The following TRIO variants were observed in gnomAD, a reference collection of about 807,000 sequenced individuals.
TRIO encodes the protein triple functional domain protein.
TRIO carries 58 observed loss-of-function variants against 351.9 expected under a neutral mutation model. The observed-to-expected ratio is 0.16, with a 90% CI of 0.13 to 0.21. TRIO has a LOEUF of 0.21. Among genes scored for constraint, TRIO ranks in the 10% least tolerant of loss-of-function variants. TRIO has a pLI of 1.00. For missense variants in TRIO, 3,201 were observed against 4,027.8 expected (o/e 0.79, Z 5.56); for synonymous variants, 1,758 against 1,595.7 (o/e 1.10, Z -2.42).
intron 21 of TRIO, among the ~76,000 whole-genome samples, chr5:14,382,726 A>G (rs1295857880): frequency 6.6e-6 from 1 of 152,196 alleles, no homozygotes; most frequent in African/African-American, 2.4e-5. Flanking sequence ...TGCACATTAT[A>G]TGATCCGTAT....
chr5:14,168,788 TCTC>T (rs1788929786), intron 1 of TRIO, among the ~76,000 whole-genome samples: 1 of 152,260 alleles, frequency 6.6e-6, no homozygotes, highest in South Asian at 2.1e-4. Flanking sequence ...GTGGCCATCT[TCTC>T]ATTTTAATTA....
intron 1 of TRIO, among the ~76,000 whole-genome samples, chr5:14,257,738 A>G (rs989178979): frequency 3.3e-5 from 5 of 152,164 alleles, no homozygotes; most frequent in African/African-American, 9.7e-5. Flanking sequence ...AAATATGTCT[A>G]TTTGTTAGTG....
At chr5:14,439,380 G>T (rs1229985215) in intron 34 of TRIO, among the ~76,000 whole-genome samples, 1 of 152,128 alleles carries the variant, frequency 6.6e-6, no homozygotes, top group Non-Finnish European at 1.5e-5. Context: ...CAAAATTATT[G>T]TACTCATTTT....
chr5:14,462,952 C>T, intron 36 of TRIO, 27 bp downstream of exon 36: 2 of 1,536,466 alleles, frequency 1.3e-6, no homozygotes, highest in Non-Finnish European at 1.7e-6. Flanking sequence ...GCTGGGGAAT[C>T]CATGCCTGCC....
At chr5:14,148,838 C>T (rs1411644004) in intron 1 of TRIO, among the ~76,000 whole-genome samples, 1 of 152,196 alleles carries the variant, frequency 6.6e-6, no homozygotes, top group Non-Finnish European at 1.5e-5. Context: ...TTTGAATCTT[C>T]TCAGCCTCAT....
chr5:14,487,529 G>A lies in TRIO; in HGVS notation c.6901G>A (p.Gly2301Ser). The stretch of plus-strand genomic sequence containing the variant: ...GGGCGGCGGCGGCGGCGGCAGCGGG[G>A]GCAGCGGCGGGGGTGGGGGCAGCGG... ...SGGGGGGGSGGSGGGGGSGGG... is the reference protein window; with the variant it reads ...SGGGGGGGSGSSGGGGGSGGG... The change falls in exon 48 of 57, where the codon GGC becomes AGC. Residue 2301 changes from glycine (G) to serine (S), a missense_variant. Transcript: ENST00000344204. 9.5e-7 allele frequency: 1 copy of A among 1,051,010 alleles called. No individual in the cohort carries two copies. Among genetic ancestry groups the A allele is most frequent in the Non-Finnish European group, 1.2e-6 (1 of 863,248 alleles). 65.1% of individuals were successfully genotyped at this position (1,051,010 alleles called of 1,614,324 possible).
chr5:14,269,688 T>C (rs1482443232), intron 1 of TRIO, among the ~76,000 whole-genome samples: 1 of 147,452 alleles, frequency 6.8e-6, no homozygotes, highest in Non-Finnish European at 1.5e-5. Context: ...AAATGTTCCC[T>C]GTAGCAGGGC....
intron 37 of TRIO, among the ~76,000 whole-genome samples, chr5:14,469,160 C>G (rs915482933): frequency 2.0e-5 from 3 of 151,800 alleles, no homozygotes; most frequent in Admixed American, 1.3e-4. Context: ...ACAAAATAAA[C>G]CAAAGAAAAG....
rs537453243 is a variant in TRIO at position 14,456,826 on chromosome 5, G to A, written c.5204-4193G>A. On this transcript the variant is annotated intron_variant, in intron 34 of 56. Transcript: ENST00000344204. ...TCGCATCAAAGTAGCTGATTTAGTG[G>A]GCAAAGTCTATATTTTTCAGATAGC... is the stretch of plus-strand genomic sequence containing the variant. 1.6e-4 allele frequency among the ~76,000 whole-genome samples: 25 copies of A among 152,242 alleles called. 1 individual carries two copies. Among genetic ancestry groups the A allele is most frequent in the Admixed American group, 3.3e-4 (5 of 15,294 alleles).
intron 1 of TRIO, among the ~76,000 whole-genome samples, chr5:14,153,703 G>GC (rs969187229): frequency 3.3e-5 from 5 of 152,128 alleles, no homozygotes; most frequent in African/African-American, 1.2e-4. Context: ...GTTTGTGAGG[G>GC]CCTGAATTGG....
At position 14,487,983 on chromosome 5, in the gene TRIO, G is replaced by C. The variant is rs749958296; in HGVS notation, c.7355G>C (p.Gly2452Ala). 3.4e-5 allele frequency: 53 copies of C among 1,557,536 alleles called. No homozygotes were observed. Among genetic ancestry groups the C allele is most frequent in the Non-Finnish European group, 4.3e-5 (49 of 1,152,012 alleles). The change falls in exon 48 of 57, where the codon GGG becomes GCG. Residue 2452 changes from glycine to alanine, a missense_variant. Gly to Ala is a moderately conservative substitution (Grantham distance 60, BLOSUM62 0). Coordinates refer to ENST00000344204, the MANE Select transcript of TRIO (RefSeq NM_007118.4). The stretch of plus-strand genomic sequence containing the variant: ...CTGCCGCTTGGGAAGCCCCGGGCCG[G>C]GGCCGCTTCGCCGCTGAACTCGCCG... ...GTLPLGKPRA[G>A]AASPLNSPLS... is the part of the protein sequence containing the mutation.
chr5:14,385,059 C>T (rs1270150386), intron 21 of TRIO, among the ~76,000 whole-genome samples: 1 of 152,206 alleles, frequency 6.6e-6, no homozygotes, highest in Non-Finnish European at 1.5e-5. Flanking sequence ...GTTCATTTCA[C>T]CCAGTGGATT....
At chr5:14,434,075 A>G (rs1172172125) in intron 34 of TRIO, among the ~76,000 whole-genome samples, 2 of 152,218 alleles carry the variant, frequency 1.3e-5, no homozygotes. Flanking sequence ...GATTAATAAC[A>G]GACACTTGAA....
At chr5:14,344,881 C>G (rs567563846) in intron 11 of TRIO, among the ~76,000 whole-genome samples, 13 of 152,322 alleles carry the variant, frequency 8.5e-5, no homozygotes, top group Non-Finnish European at 1.6e-4. Flanking sequence ...GGGAAGAACC[C>G]TTACCCATAG....
intron 14 of TRIO, among the ~76,000 whole-genome samples, chr5:14,364,184 C>T (rs970281414): frequency 1.8e-4 from 27 of 152,158 alleles, no homozygotes. Context: ...TATGTTGTAT[C>T]TCTGTAAATG....
At chr5:14,460,953 T>A in intron 34 of TRIO, 66 bp from the exon 35 acceptor site, 3 of 1,445,776 alleles carry the variant, frequency 2.1e-6, no homozygotes, top group Non-Finnish European at 2.7e-6. Context: ...TGCGGGATAA[T>A]GGCATGGTCT....
chr5:14,403,214 CAGGTTGTGGTGAGGGTGT>C (rs1561447246), intron 31 of TRIO, among the ~76,000 whole-genome samples: 36 of 44,146 alleles, frequency 8.2e-4, no homozygotes, highest in African/African-American at 1.4e-3. Context: ...GGTGAGGGTG[CAGGTTGTGGTGAGGGTGT>C]AGGTTGTGGT....
rs572249145 is a variant in TRIO, at chr5:14,381,331, T to C, written c.3570+79T>C. ...AAAAATATCATAAAGAAATACCTCA[T>C]GAGATTGGAGAAAAGGATGACCCAG... On this transcript the variant is annotated intron_variant, in intron 21 of 56. Transcript: ENST00000344204. 49 of 1,491,938 alleles carry C rather than the reference T, an allele frequency of 3.3e-5. No individual in the cohort carries two copies. The African/African-American group carries it at 5.5e-4, about 17-fold the overall frequency. 92.4% of individuals were successfully genotyped at this position (1,491,938 alleles called of 1,614,324 possible).
At chr5:14,437,172 C>G (rs149984509) in intron 34 of TRIO, among the ~76,000 whole-genome samples, 1 of 152,152 alleles carries the variant, frequency 6.6e-6, no homozygotes, top group Admixed American at 6.5e-5. Context: ...TTCTTTTTTT[C>G]CCTCTCCTGT....
Sources: gnomAD v4.1 joint callset for allele counts (sites outside exome capture counted in the v4.1 genomes callset) on GRCh38, gnomAD v4.1.1 for gene constraint, MANE v1.5 for transcripts, NCBI Gene and HGNC (gene_info 2026-07-23, HGNC 2026-07-21) for gene names.